WWOX: variants seen among roughly 807,000 people sequenced by gnomAD.
WWOX encodes the protein WW domain containing oxidoreductase.
A neutral mutation model predicts 46.2 loss-of-function variants in WWOX; 69 were observed. The observed-to-expected ratio is 1.49, with a 90% CI of 1.23 to 1.82. The LOEUF is 1.82. Ranked by LOEUF, WWOX falls within the 40% of genes most tolerant of loss-of-function variation. The pLI, the probability that WWOX is intolerant of heterozygous loss-of-function variation, is 0.00. For missense variants in WWOX, 919 were observed against 542.6 expected (o/e 1.69, Z -6.89); for synonymous variants, 359 against 202.6 (o/e 1.77, Z -6.56).
intron 8 of WWOX, among the ~76,000 whole-genome samples, chr16:78,632,409 T>C (rs1390298217): frequency 6.6e-6 from 1 of 152,038 alleles, no homozygotes; most frequent in Non-Finnish European, 1.5e-5. Flanking sequence ...TCCTTTCTTT[T>C]GGGCTTTCCT....
intron 3 of WWOX, among the ~76,000 whole-genome samples, chr16:78,111,479 C>T (rs2032485555): frequency 6.6e-6 from 1 of 152,200 alleles, no homozygotes; most frequent in Non-Finnish European, 1.5e-5. Flanking sequence ...CCTTCTGTCA[C>T]ACCCGCATAA....
At chr16:78,185,150 C>CTG (rs1217521361) in intron 5 of WWOX, among the ~76,000 whole-genome samples, 3 of 152,118 alleles carry the variant, frequency 2.0e-5, no homozygotes, top group Non-Finnish European at 2.9e-5. Flanking sequence ...TAGTAGGGTG[C>CTG]TGTGTGTGTG....
At chr16:79,046,254 C>A (rs1410080936) in intron 8 of WWOX, among the ~76,000 whole-genome samples, 1 of 152,206 alleles carries the variant, frequency 6.6e-6, no homozygotes, top group Non-Finnish European at 1.5e-5. Context: ...TTGTCTAACT[C>A]CCTTTTTTCC....
intron 8 of WWOX, among the ~76,000 whole-genome samples, chr16:78,498,398 C>G (rs541676596): frequency 6.6e-6 from 1 of 152,210 alleles, no homozygotes; most frequent in South Asian, 2.1e-4. Flanking sequence ...CCACCCCTTC[C>G]CCACCTAGGG....
intron 8 of WWOX, among the ~76,000 whole-genome samples, chr16:78,582,781 G>C (rs2045094825): frequency 6.6e-6 from 1 of 152,122 alleles, no homozygotes; most frequent in Non-Finnish European, 1.5e-5. Context: ...ACTTCCATCA[G>C]GGGTCCTTAT....
intron 8 of WWOX, among the ~76,000 whole-genome samples, chr16:79,110,479 G>C (rs2049396285): frequency 6.6e-6 from 1 of 152,142 alleles, no homozygotes; most frequent in African/African-American, 2.4e-5. Flanking sequence ...CAGAGAACAT[G>C]CTGTTCTCTC....
intron 8 of WWOX, among the ~76,000 whole-genome samples, chr16:78,784,780 C>T (rs1013732207): frequency 6.6e-6 from 1 of 152,076 alleles, no homozygotes; most frequent in Non-Finnish European, 1.5e-5. Context: ...AAGGTCAGCT[C>T]CTGACCTTCA....
rs7192591 is a variant in WWOX at position 78,102,809 on chromosome 16, C to T, written c.107+2924C>T. Among the ~76,000 whole-genome samples the T allele has an allele frequency of 5.6e-3, 850 of 152,218 alleles. 13 individuals are homozygous for T. Among genetic ancestry groups the T allele is most frequent in the African/African-American group, 0.02 (813 of 41,530 alleles). ...CTGAGTGTCCCCAGTGCTTGGCACC[C>T]AGAAGCCATAAGATGAGCCCCTGTG... On this transcript the variant is annotated intron_variant, in intron 1 of 8. Transcript: ENST00000566780.
At chr16:78,136,872 A>G (rs952666610) in intron 4 of WWOX, among the ~76,000 whole-genome samples, 3 of 152,158 alleles carry the variant, frequency 2.0e-5, no homozygotes, top group Non-Finnish European at 4.4e-5. Context: ...ACAATTAGAC[A>G]GGGTAATGGG....
At position 78,504,120 on chromosome 16, in the gene WWOX, C is replaced by G. The variant is rs943564696; in HGVS notation, c.1056+71368C>G. Among the ~76,000 whole-genome samples the G allele has an allele frequency of 4.8e-4, 73 of 151,960 alleles. 1 individual carries two copies. Among genetic ancestry groups the G allele is most frequent in the Non-Finnish European group, 1.6e-4 (11 of 68,000 alleles). Reference sequence around the variant, plus strand: ...TTCTCCTATTAAGTTTTAATGACTTCAAAGATACAAAGCTAGAAACTACAA... The same window carrying G: ...TTCTCCTATTAAGTTTTAATGACTTGAAAGATACAAAGCTAGAAACTACAA... On this transcript the variant is annotated intron_variant, in intron 8 of 8. Coordinates refer to ENST00000566780, the MANE Select transcript of WWOX (RefSeq NM_016373.4).
intron 8 of WWOX, among the ~76,000 whole-genome samples, chr16:78,519,736 T>A (rs533260473): frequency 4.6e-5 from 7 of 152,180 alleles, no homozygotes; most frequent in Admixed American, 3.9e-4. Context: ...GTTATCCATT[T>A]TACCATGTGA....
At chr16:79,165,836 C>A (rs558940901) in intron 8 of WWOX, among the ~76,000 whole-genome samples, 2 of 152,270 alleles carry the variant, frequency 1.3e-5, no homozygotes, top group African/African-American at 4.8e-5. Context: ...ACTCGGTCGC[C>A]GAACCGGGAA....
chr16:78,384,448 G>T (rs943284743), intron 5 of WWOX, among the ~76,000 whole-genome samples: 1 of 152,132 alleles, frequency 6.6e-6, no homozygotes, highest in African/African-American at 2.4e-5. Context: ...TTAATCATCA[G>T]ATAAATATCA....
intron 4 of WWOX, among the ~76,000 whole-genome samples, chr16:78,143,593 A>G (rs1379434912): frequency 2.0e-5 from 3 of 152,118 alleles, no homozygotes; most frequent in Non-Finnish European, 2.9e-5. Flanking sequence ...TATTTACTGC[A>G]TTTATTTACT....
chr16:79,211,032 G>C (rs139774110), intron 8 of WWOX, among the ~76,000 whole-genome samples: 2 of 30,442 alleles, frequency 6.6e-5, no homozygotes, highest in Admixed American at 3.6e-4. Context: ...TGTATGGTGA[G>C]GAGTGTGTGT....
At chr16:78,219,108 A>T (rs1463316093) in intron 5 of WWOX, among the ~76,000 whole-genome samples, 1 of 152,158 alleles carries the variant, frequency 6.6e-6, no homozygotes, top group Non-Finnish European at 1.5e-5. Flanking sequence ...ACCAGATGGA[A>T]TTTTCCAATT....
At chr16:78,720,674 A>G (rs1226567814) in intron 8 of WWOX, among the ~76,000 whole-genome samples, 1 of 152,120 alleles carries the variant, frequency 6.6e-6, no homozygotes, top group African/African-American at 2.4e-5. Flanking sequence ...ACTATATAAC[A>G]GAAAACACCC....
intron 8 of WWOX, among the ~76,000 whole-genome samples, chr16:78,903,520 A>C (rs1191384607): frequency 6.6e-6 from 1 of 152,226 alleles, no homozygotes; most frequent in Non-Finnish European, 1.5e-5. Flanking sequence ...TCAATTTCCC[A>C]TCTGCCCTGC....
intron 5 of WWOX, among the ~76,000 whole-genome samples, chr16:78,315,698 A>G (rs1361520489): frequency 2.0e-5 from 3 of 152,118 alleles, no homozygotes; most frequent in Non-Finnish European, 4.4e-5. Context: ...GGGGAAAACA[A>G]TCATTTCTTG....
Sources: gnomAD v4.1 joint callset for allele counts (sites outside exome capture counted in the v4.1 genomes callset) on GRCh38, gnomAD v4.1.1 for gene constraint, MANE v1.5 for transcripts, NCBI Gene and HGNC (gene_info 2026-07-23, HGNC 2026-07-21) for gene names.